The following ARHGAP8 variants were observed in gnomAD, a reference collection of about 807,000 sequenced individuals.
ARHGAP8 encodes rho GTPase-activating protein 8.
ARHGAP8 carries 62 observed loss-of-function variants against 46.1 expected under a neutral mutation model. The observed-to-expected ratio is 1.34, with a 90% CI of 1.10 to 1.66. ARHGAP8 has a LOEUF of 1.66. Ranked by LOEUF, ARHGAP8 falls within the 40% of genes most tolerant of loss-of-function variation. ARHGAP8 has a pLI of 0.00. For synonymous variants in ARHGAP8, 375 were observed against 243.1 expected, an observed-to-expected ratio of 1.54 and a Z score of -5.05; for missense variants, 923 against 568.4, an observed-to-expected ratio of 1.62 and a Z score of -6.34.
intron 1 of ARHGAP8, among the ~76,000 whole-genome samples, chr22:44,761,758 A>G (rs781517768): frequency 8.5e-5 from 13 of 152,224 alleles, no homozygotes; most frequent in Non-Finnish European, 1.8e-4. Flanking sequence ...AGACTGGGTA[A>G]TTTATAAAGG....
intron 1 of ARHGAP8, among the ~76,000 whole-genome samples, chr22:44,761,171 C>T (rs1249878116): frequency 6.6e-6 from 1 of 152,072 alleles, no homozygotes; most frequent in Admixed American, 6.6e-5. Flanking sequence ...CTAAGGGAGG[C>T]CCATGTTAAC....
intron 2 of ARHGAP8, among the ~76,000 whole-genome samples, chr22:44,798,295 CAAGG>C (rs946752298): frequency 2.6e-5 from 4 of 151,800 alleles, no homozygotes; most frequent in Non-Finnish European, 5.9e-5. Flanking sequence ...TTTTTAGAGA[CAAGG>C]AAGGTCTCAT....
chr22:44,847,213 G>T (rs1461483847), intron 8 of ARHGAP8, among the ~76,000 whole-genome samples: 3 of 152,232 alleles, frequency 2.0e-5, no homozygotes, highest in African/African-American at 7.2e-5. Context: ...GAAGCCAGCA[G>T]GGGCCTGGCC....
intron 1 of ARHGAP8, among the ~76,000 whole-genome samples, chr22:44,770,008 G>A (rs1925878577): frequency 1.3e-5 from 2 of 152,192 alleles, no homozygotes; most frequent in Admixed American, 1.3e-4. Flanking sequence ...CACTTTGGGA[G>A]GCCGAGGCAG....
chr22:44,846,422 T>A (rs2147161763), intron 8 of ARHGAP8, among the ~76,000 whole-genome samples: 1 of 152,270 alleles, frequency 6.6e-6, no homozygotes, highest in South Asian at 2.1e-4. Context: ...CGAGAGTCCA[T>A]GCACATGGGG....
At chr22:44,845,223 C>T in intron 7 of ARHGAP8, 46 bp from the exon 8 acceptor site, 3 of 1,611,062 alleles carry the variant, frequency 1.9e-6, no homozygotes, top group Non-Finnish European at 2.5e-6. Context: ...TGTGATCACC[C>T]ATCAAGCTCA....
At chr22:44,764,904 C>A (rs906609593) in intron 1 of ARHGAP8, among the ~76,000 whole-genome samples, 1 of 152,238 alleles carries the variant, frequency 6.6e-6, no homozygotes. Context: ...CCCTGGCACA[C>A]TCCCCTCCTG....
At position 44,862,679 on chromosome 22, in the gene ARHGAP8, A is replaced by T; in HGVS notation, c.*84A>T. 6.9e-7 allele frequency: 1 copy of T among 1,450,106 alleles called. No individual in the cohort carries two copies. The highest frequency in any genetic ancestry group is 9.1e-7 in the Non-Finnish European group (1 of 1,094,314). 89.8% of individuals were successfully genotyped at this position (1,450,106 alleles called of 1,614,324 possible). A position where few individuals can be genotyped will look rare whatever the true frequency, so the allele number is the denominator to read the frequency against. On this transcript the variant is annotated 3_prime_UTR_variant, in exon 12 of 12. Transcript: ENST00000356099. ...GTTTTGTAAACTTGGCATCTGTAAA[A>T]ATAACCAGCCATTAGATGAATTCAG...
intron 7 of ARHGAP8, among the ~76,000 whole-genome samples, chr22:44,832,909 T>C (rs1360449990): frequency 6.6e-6 from 1 of 151,968 alleles, no homozygotes; most frequent in Admixed American, 6.6e-5. Context: ...GGAGGATCAC[T>C]TGAGGCCGGG....
chr22:44,781,409 G>A (rs1316059002), intron 1 of ARHGAP8, among the ~76,000 whole-genome samples: 4 of 152,112 alleles, frequency 2.6e-5, no homozygotes, highest in African/African-American at 4.8e-5. Flanking sequence ...TGTGGGCTGC[G>A]TTCAGATGGG....
chr22:44,827,081 G>C (rs1359844377), intron 7 of ARHGAP8, among the ~76,000 whole-genome samples: 1 of 152,092 alleles, frequency 6.6e-6, no homozygotes, highest in Non-Finnish European at 1.5e-5. Context: ...TGGGTTCTCT[G>C]GTGGGCCCAA....
At chr22:44,828,779 G>A (rs544111635) in intron 7 of ARHGAP8, among the ~76,000 whole-genome samples, 6 of 152,054 alleles carry the variant, frequency 3.9e-5, no homozygotes, top group Admixed American at 6.5e-5. Context: ...TCAGGTGACC[G>A]TTTTCCCCAC....
At chr22:44,816,851 CCTTT>C (rs1569159944) in intron 5 of ARHGAP8, among the ~76,000 whole-genome samples, 1 of 147,260 alleles carries the variant, frequency 6.8e-6, no homozygotes, top group Non-Finnish European at 1.5e-5. Context: ...CGGCTTGGAG[CCTTT>C]CTTTTCTTTC....
Position 44,848,920 on chromosome 22 carries a change from T to TTG in ARHGAP8, c.749-5_749-4dup. 1 of 1,613,884 alleles carries TTG rather than the reference T, an allele frequency of 6.2e-7. No individual in the cohort carries two copies. On this transcript the variant is annotated splice_polypyrimidine_tract_variant and intron_variant, in intron 9 of 11. Transcript: ENST00000356099. ...GGGTGCAGACCTCAGCAGTGCTGTGTTGTGTGTGCAGGGAAGCCCGTGAAC... is the reference window on the plus strand; with the variant it reads ...GGGTGCAGACCTCAGCAGTGCTGTGTTGTGTGTGTGCAGGGAAGCCCGTGAAC...
At chr22:44,811,734 G>A (rs1376211086) in intron 4 of ARHGAP8, among the ~76,000 whole-genome samples, 5 of 152,106 alleles carry the variant, frequency 3.3e-5, no homozygotes, top group Middle Eastern at 3.2e-3. Flanking sequence ...AGATGAGATC[G>A]CCTGTAATCC....
intron 6 of ARHGAP8, among the ~76,000 whole-genome samples, chr22:44,825,146 T>C (rs1360653648): frequency 6.6e-6 from 1 of 151,842 alleles, no homozygotes; most frequent in Non-Finnish European, 1.5e-5. Flanking sequence ...GCTCTCGTCT[T>C]AAATTCAGAC....
chr22:44,775,255 A>G (rs898692930), intron 1 of ARHGAP8, among the ~76,000 whole-genome samples: 5 of 152,222 alleles, frequency 3.3e-5, no homozygotes, highest in African/African-American at 1.2e-4. Context: ...TTTATGTACC[A>G]TATGAGCTGG....
chr22:44,859,868 C>T (rs765420005), intron 11 of ARHGAP8, 34 bp downstream of exon 11: 15 of 1,606,154 alleles, frequency 9.3e-6, no homozygotes, highest in South Asian at 2.2e-5. Context: ...GGGGTGAAGC[C>T]CAGTGGCCTT....
In ARHGAP8 at chr22:44,822,369, A is replaced by G. The variant is rs1195634582; in HGVS notation, c.387-2A>G. ...TTTATTCTCTTGCTTCTGCTTTCTT[A>G]GTCACAAGTTTGGGAAGAAAGTCAT... On this transcript the variant is annotated splice_acceptor_variant, in intron 5 of 11. Transcript: ENST00000356099. LOFTEE classifies it high-confidence loss of function. 6.3e-7 allele frequency: 1 copy of G among 1,580,368 alleles called. No individual in the cohort carries two copies.
Sources: allele counts gnomAD v4.1 joint callset (sites outside exome capture counted in the v4.1 genomes callset), GRCh38; gene constraint gnomAD v4.1.1; transcripts MANE v1.5; gene names NCBI Gene and HGNC (gene_info 2026-07-23, HGNC 2026-07-21).